The following MYO5C variants were observed in gnomAD, a reference collection of about 807,000 sequenced individuals.
MYO5C encodes the protein myosin VC.
Under a neutral mutation model 235.7 loss-of-function variants are expected in MYO5C, and 194 were observed. The observed-to-expected ratio is 0.82, with a 90% CI of 0.73 to 0.93. The LOEUF is 0.93. MYO5C is among the 40% of genes least tolerant of loss of function. The pLI is 0.00. For missense variants in MYO5C, 2,038 were observed against 2,127.2 expected (o/e 0.96, Z 0.82); for synonymous variants, 707 against 754.8 (o/e 0.94, Z 1.04).
At chr15:52,277,318 C>A (rs2037074582) in intron 4 of MYO5C, 2 of 501,790 alleles carry the variant, frequency 4.0e-6, no homozygotes, top group South Asian at 3.0e-5. Context: ...CACAGCCCTA[C>A]AGTGCCAAAG....
chr15:52,269,759 G>A lies in MYO5C; in HGVS notation c.934C>T (p.Leu312Phe). ...ATGGGATATTTTCCCTTACCCAGAA[G>A]CGTGAAGGTCTTTTGAGTCTCTACC... ...EMVETQKTFT[L>F]LGFKEDFQMD... The change falls in exon 8 of 41, where the codon CTT becomes TTT. Residue 312 changes from leucine to phenylalanine, a missense_variant. Coordinates refer to ENST00000261839, the MANE Select transcript of MYO5C (RefSeq NM_018728.4). The A allele has an allele frequency of 6.2e-7, 1 of 1,604,016 alleles. No homozygotes were observed. Among genetic ancestry groups the A allele is most frequent in the East Asian group, 2.2e-5 (1 of 44,816 alleles).
Position 52,282,847 on chromosome 15 carries a change from C to G in MYO5C, c.73G>C (p.Ala25Pro), listed in dbSNP as rs755786349. ...IPDPEEVWKS[A>P]EIAKDYRVGD... Reference sequence around the variant, plus strand: ...ACTCTGTAGTCCTTGGCTATTTCAGCAGACTTCCAAACTTCTTCAGGATCG... The same window carrying G: ...ACTCTGTAGTCCTTGGCTATTTCAGGAGACTTCCAAACTTCTTCAGGATCG... Residue 25 changes from alanine (A) to proline (P), a missense_variant, in exon 2 of 41, where the codon GCT (alanine) becomes CCT (proline). Coordinates refer to ENST00000261839, the MANE Select transcript of MYO5C (RefSeq NM_018728.4). 2 of 1,614,012 alleles carry G rather than the reference C, an allele frequency of 1.2e-6. No homozygotes were observed. The highest frequency in any genetic ancestry group is 1.7e-5 in the Admixed American group (1 of 60,006).
Position 52,239,851 on chromosome 15 carries a change from A to T in MYO5C, c.2585T>A (p.Leu862Gln). Residue 862 changes from leucine (L) to glutamine (Q), a missense_variant, in exon 21 of 41, where the codon CTA becomes CAA. Physicochemically the swap from Leu to Gln is moderately radical, Grantham distance 113 (BLOSUM62 -2). Coordinates refer to ENST00000261839, the MANE Select transcript of MYO5C (RefSeq NM_018728.4). ...KMLEEHKAVI[L>Q]QKYARAWLAR... The stretch of plus-strand genomic sequence containing the variant: ...CAGCCACGCCCGTGCGTATTTCTGT[A>T]GGATCACAGCCTTATGTTCCTCCAG... The T allele has an allele frequency of 5.6e-6, 9 of 1,613,574 alleles. No individual in the cohort carries two copies. Among genetic ancestry groups the T allele is most frequent in the Non-Finnish European group, 7.6e-6 (9 of 1,179,722 alleles).
intron 1 of MYO5C, among the ~76,000 whole-genome samples, chr15:52,286,924 C>T (rs1435875777): frequency 7.5e-6 from 1 of 133,480 alleles, no homozygotes; most frequent in African/African-American, 2.8e-5. Flanking sequence ...GAGAAACACC[C>T]AAGAATGATC....
In MYO5C at chr15:52,196,399, A is replaced by G; in HGVS notation, c.4905T>C (p.Ser1635=). 1 of 1,614,206 alleles carries G rather than the reference A, an allele frequency of 6.2e-7. No individual in the cohort carries two copies. Among genetic ancestry groups the G allele is most frequent in the Non-Finnish European group, 8.5e-7 (1 of 1,180,028 alleles). Residue 1635 remains serine (S), a synonymous_variant, in exon 39 of 41, where the codon TCT becomes TCC. Transcript: ENST00000261839. ...TGACCTGAAGCAACCAGGCTGCCTG[A>G]GAGAGGGGCTCCAAAGTTTCCTTTG... ...SLAKETLEPL[S]QAAWLLQVKK...
Position 52,295,778 on chromosome 15 carries a change from T to C in MYO5C, c.-142A>G. 1.9e-6 allele frequency: 1 copy of C among 519,120 alleles called. No individual in the cohort carries two copies. Among genetic ancestry groups the C allele is most frequent in the Non-Finnish European group, 3.1e-6 (1 of 320,172 alleles). 32.2% of individuals were successfully genotyped at this position (519,120 alleles called of 1,614,324 possible). On this transcript the variant is annotated 5_prime_UTR_variant, in exon 1 of 41. Coordinates refer to ENST00000261839, the MANE Select transcript of MYO5C (RefSeq NM_018728.4). ...TCTTGCCCAAAGTTTTCCAACGGCC[T>C]CCTGTTCCCGTTCCCGAGTTGGCGG...
intron 39 of MYO5C, among the ~76,000 whole-genome samples, chr15:52,195,720 C>CA (rs1276256504): frequency 6.6e-6 from 1 of 152,118 alleles, no homozygotes. Flanking sequence ...ATGGCCACCC[C>CA]TCCACATACA....
intron 20 of MYO5C, among the ~76,000 whole-genome samples, chr15:52,240,797 C>T (rs1234902564): frequency 6.6e-6 from 1 of 151,992 alleles, no homozygotes; most frequent in Admixed American, 6.6e-5. Flanking sequence ...ATGAAACCCC[C>T]CAAAATATAC....
At chr15:52,238,313 C>G (rs1017321242) in intron 21 of MYO5C, among the ~76,000 whole-genome samples, 5 of 152,204 alleles carry the variant, frequency 3.3e-5, no homozygotes, top group Non-Finnish European at 5.9e-5. Flanking sequence ...GCTCAGGCAG[C>G]GTTGGGACTC....
At chr15:52,281,783 A>C (rs1439544154) in intron 2 of MYO5C, among the ~76,000 whole-genome samples, 1 of 152,212 alleles carries the variant, frequency 6.6e-6, no homozygotes, top group African/African-American at 2.4e-5. Flanking sequence ...CCAGGATCTC[A>C]GGAAATGTCT....
intron 36 of MYO5C, among the ~76,000 whole-genome samples, chr15:52,206,879 A>G (rs796092951): frequency 6.6e-5 from 10 of 152,370 alleles, no homozygotes; most frequent in African/African-American, 2.4e-4. Flanking sequence ...TACGCCTGTA[A>G]TCCAGCACTT....
intron 36 of MYO5C, among the ~76,000 whole-genome samples, chr15:52,208,312 T>G (rs1057451591): frequency 5.3e-5 from 8 of 152,228 alleles, no homozygotes; most frequent in Admixed American, 3.9e-4. Flanking sequence ...GAAGGAAACT[T>G]AAAAGTCATC....
chr15:52,264,348 G>T, intron 8 of MYO5C, 52 bp from the exon 9 acceptor site: 1 of 1,372,136 alleles, frequency 7.3e-7, no homozygotes, highest in Non-Finnish European at 1.0e-6. Context: ...TCTCTGACTA[G>T]TAAGATGGGC....
chr15:52,245,986 A>G lies in MYO5C; in HGVS notation c.2036T>C (p.Ile679Thr), dbSNP rs939317594. 6.2e-7 allele frequency: 1 copy of G among 1,614,102 alleles called. No homozygotes were observed. Among genetic ancestry groups the G allele is most frequent in the Admixed American group, 1.7e-5 (1 of 60,000 alleles). Residue 679 changes from isoleucine to threonine, a missense_variant, in exon 17 of 41, where the codon ATT (isoleucine) becomes ACT (threonine). Coordinates refer to ENST00000261839, the MANE Select transcript of MYO5C (RefSeq NM_018728.4). ...AGGGTAGCTCTGTGCACTAATGCGA[A>G]TCGTTTCTAAAACGCCGCAGGCTCG... The part of the protein sequence containing the change: ...QLRACGVLET[I>T]RISAQSYPSR...
At chr15:52,230,460 C>T (rs2035922018) in intron 24 of MYO5C, among the ~76,000 whole-genome samples, 1 of 151,098 alleles carries the variant, frequency 6.6e-6, no homozygotes, top group Non-Finnish European at 1.5e-5. Flanking sequence ...CTGGAGTGAA[C>T]TTCAGTGGCA....
Position 52,261,103 on chromosome 15 carries a change from A to G in MYO5C, c.1072T>C (p.Phe358Leu). The G allele has an allele frequency of 6.2e-7, 1 of 1,614,148 alleles. No homozygotes were observed. The highest frequency in any genetic ancestry group is 8.5e-7 in the Non-Finnish European group (1 of 1,180,040). ...CTCTCCAGGCCCAGGAGCTCACAGA[A>G]CACCTTCAGGTGACTGTCATCCTCC... ...VSEDDSHLKV[F>L]CELLGLESGR... The change falls in exon 10 of 41, where the codon TTC (phenylalanine) becomes CTC (leucine). Residue 358 changes from phenylalanine (F) to leucine (L), a missense_variant. Phe to Leu is a conservative substitution (Grantham distance 22). Transcript: ENST00000261839.
At chr15:52,248,604 A>C (rs1596190236) in intron 14 of MYO5C, 96 bp downstream of exon 14, 6 of 828,006 alleles carry the variant, frequency 7.2e-6, no homozygotes, top group Non-Finnish European at 8.0e-6. Flanking sequence ...ACACACACAC[A>C]CACTCTCTCT....
At chr15:52,256,553 C>G in intron 11 of MYO5C, 86 bp downstream of exon 11, 1 of 823,912 alleles carries the variant, frequency 1.2e-6, no homozygotes, top group Non-Finnish European at 1.8e-6. Flanking sequence ...AAGAATGCCT[C>G]TTTCCACGAA....
intron 18 of MYO5C, 51 bp from the exon 19 acceptor site, chr15:52,244,618 T>C: frequency 2.2e-6 from 3 of 1,333,458 alleles, no homozygotes; most frequent in South Asian, 1.3e-5. Flanking sequence ...AGATTTTCTA[T>C]AATACAGTAT....
Sources: gnomAD v4.1 joint callset for allele counts (sites outside exome capture counted in the v4.1 genomes callset) on GRCh38, gnomAD v4.1.1 for gene constraint, MANE v1.5 for transcripts, NCBI Gene and HGNC (gene_info 2026-07-23, HGNC 2026-07-21) for gene names.